The following CTDSPL2 variants were observed in gnomAD, a reference collection of about 807,000 sequenced individuals.
The protein encoded by CTDSPL2 is CTD small phosphatase like 2.
Under a neutral mutation model 60.0 loss-of-function variants are expected in CTDSPL2, and 5 were observed. The ratio of observed to expected loss-of-function variants is 0.08; its 90% CI spans 0.04 to 0.18. The LOEUF (loss-of-function observed/expected upper bound fraction) is 0.18. Among genes scored for constraint, CTDSPL2 ranks in the 10% least tolerant of loss-of-function variants. CTDSPL2 has a pLI of 1.00. For missense variants in CTDSPL2, 370 were observed against 548.8 expected, an observed-to-expected ratio of 0.67 and a Z score of 3.26; for synonymous variants, 186 against 189.3, an observed-to-expected ratio of 0.98 and a Z score of 0.14.
chr15:44,490,045 G>A (rs2081189990), intron 4 of CTDSPL2, among the ~76,000 whole-genome samples: 1 of 152,200 alleles, frequency 6.6e-6, no homozygotes, highest in Non-Finnish European at 1.5e-5. Flanking sequence ...TAAGGAAGTT[G>A]AGAATATTGG....
chr15:44,431,983 C>T (rs866894939), intron 1 of CTDSPL2, among the ~76,000 whole-genome samples: 1 of 151,876 alleles, frequency 6.6e-6, no homozygotes, highest in South Asian at 2.1e-4. Flanking sequence ...CTCAGCCTCC[C>T]AAAGTGCTGG....
chr15:44,477,066 CTT>C (rs781644888), intron 2 of CTDSPL2, among the ~76,000 whole-genome samples: 1 of 152,166 alleles, frequency 6.6e-6, no homozygotes, highest in Non-Finnish European at 1.5e-5. Context: ...TTTTCAAAAA[CTT>C]TTAAAAACGA....
intron 1 of CTDSPL2, chr15:44,448,764 TC>T (rs1286624180): frequency 5.7e-6 from 2 of 352,500 alleles, no homozygotes; most frequent in Admixed American, 7.6e-5. Flanking sequence ...CTAACCCTGT[TC>T]CAATACCACC....
At chr15:44,468,681 C>T (rs748339520) in intron 2 of CTDSPL2, among the ~76,000 whole-genome samples, 2 of 152,158 alleles carry the variant, frequency 1.3e-5, no homozygotes, top group Non-Finnish European at 2.9e-5. Context: ...CCACTGTAGA[C>T]GGCTACATAA....
intron 2 of CTDSPL2, among the ~76,000 whole-genome samples, chr15:44,472,565 C>G (rs975751739): frequency 3.5e-5 from 5 of 141,746 alleles, no homozygotes; most frequent in African/African-American, 1.3e-4. Flanking sequence ...TTGGCATGAT[C>G]TCGGTTCATT....
Position 44,528,994 on chromosome 15 carries a change from C to T in CTDSPL2, c.*4820C>T, listed in dbSNP as rs958579026. On this transcript the variant is annotated 3_prime_UTR_variant, in exon 13 of 13. Coordinates refer to ENST00000260327, the MANE Select transcript of CTDSPL2 (RefSeq NM_016396.3). ...ATCTTCAAATGCCCTGATCACCCTA[C>T]CTCACAGGGTTGTTGTGGGGATAAA... is the stretch of plus-strand genomic sequence containing the variant. 1 of 152,162 alleles carries T rather than the reference C, an allele frequency of 6.6e-6. No individual in the cohort carries two copies. The highest frequency in any genetic ancestry group is 2.4e-5 in the African/African-American group (1 of 41,448). The allele number at this position is 152,162 out of a possible 1,614,324, so 9.4% of individuals were successfully genotyped here.
At chr15:44,462,533 C>T (rs1317137762) in intron 2 of CTDSPL2, among the ~76,000 whole-genome samples, 2 of 151,750 alleles carry the variant, frequency 1.3e-5, no homozygotes, top group Non-Finnish European at 2.9e-5. Flanking sequence ...AGTTCGTGCT[C>T]CTATGAGAAT....
chr15:44,445,627 C>G (rs999538192), intron 1 of CTDSPL2, among the ~76,000 whole-genome samples: 1 of 151,802 alleles, frequency 6.6e-6, no homozygotes, highest in Non-Finnish European at 1.5e-5. Flanking sequence ...AATTTGAAAA[C>G]ACAGCTTTTT....
At chr15:44,438,724 G>T (rs1308662023) in intron 1 of CTDSPL2, among the ~76,000 whole-genome samples, 2 of 152,142 alleles carry the variant, frequency 1.3e-5, no homozygotes, top group Non-Finnish European at 2.9e-5. Context: ...GTGGTTGAGT[G>T]TGAGTCTGAA....
intron 8 of CTDSPL2, among the ~76,000 whole-genome samples, chr15:44,514,348 A>AGT (rs1235126037): frequency 6.6e-6 from 1 of 152,200 alleles, no homozygotes; most frequent in Non-Finnish European, 1.5e-5. Context: ...ATACCAGTGA[A>AGT]GTACTGTATG....
chr15:44,489,051 T>C (rs1264944832), intron 4 of CTDSPL2, among the ~76,000 whole-genome samples: 1 of 151,984 alleles, frequency 6.6e-6, no homozygotes. Flanking sequence ...TACATTGATA[T>C]TTTCTTTGTG....
intron 2 of CTDSPL2, among the ~76,000 whole-genome samples, chr15:44,461,527 T>C (rs2080569352): frequency 6.6e-6 from 1 of 150,644 alleles, no homozygotes; most frequent in Non-Finnish European, 1.5e-5. Context: ...TAGCTAGGAC[T>C]ACAGGCATGT....
intron 5 of CTDSPL2, among the ~76,000 whole-genome samples, chr15:44,495,499 A>G (rs2081283652): frequency 6.6e-6 from 1 of 151,450 alleles, no homozygotes; most frequent in South Asian, 2.1e-4. Context: ...CAGTGAGCCA[A>G]GATCACGCCA....
chr15:44,450,492 T>C (rs1032095949), intron 1 of CTDSPL2, among the ~76,000 whole-genome samples: 4 of 152,064 alleles, frequency 2.6e-5, no homozygotes, highest in Non-Finnish European at 5.9e-5. Flanking sequence ...TGTTAGTAAT[T>C]ATGAAACAGT....
chr15:44,444,406 G>T (rs913649872), intron 1 of CTDSPL2, among the ~76,000 whole-genome samples: 1 of 151,562 alleles, frequency 6.6e-6, no homozygotes, highest in Non-Finnish European at 1.5e-5. Context: ...GTGCAGTGGT[G>T]CAATCTCAGC....
At chr15:44,436,169 A>G (rs1442123268) in intron 1 of CTDSPL2, among the ~76,000 whole-genome samples, 2 of 152,318 alleles carry the variant, frequency 1.3e-5, no homozygotes, top group South Asian at 2.1e-4. Context: ...AAAGAGGGCA[A>G]TGACTTTAGC....
At chr15:44,505,244 C>A (rs1421267348) in intron 8 of CTDSPL2, among the ~76,000 whole-genome samples, 1 of 151,766 alleles carries the variant, frequency 6.6e-6, no homozygotes. Context: ...CCAGCCTGGG[C>A]AATGTAGTGA....
chr15:44,525,174 A>G lies in CTDSPL2; in HGVS notation c.*1000A>G. 1 of 373,456 alleles carries G rather than the reference A, an allele frequency of 2.7e-6. No homozygotes were observed. The highest frequency in any genetic ancestry group is 4.8e-6 in the Non-Finnish European group (1 of 210,022). 23.1% of individuals were successfully genotyped at this position (373,456 alleles called of 1,614,324 possible). On this transcript the variant is annotated 3_prime_UTR_variant, in exon 13 of 13. Transcript: ENST00000260327. ...GCACAGTGACTCAGTATTTTTAGTT[A>G]TTTTGCATGGGCTGGTAGTACCTCT...
chr15:44,434,433 A>G (rs2079931348), intron 1 of CTDSPL2, among the ~76,000 whole-genome samples: 1 of 152,128 alleles, frequency 6.6e-6, no homozygotes, highest in East Asian at 1.9e-4. Flanking sequence ...TTACTCTCTC[A>G]CCTAGGCTGG....
Sources: allele counts gnomAD v4.1 joint callset (sites outside exome capture counted in the v4.1 genomes callset), GRCh38; gene constraint gnomAD v4.1.1; transcripts MANE v1.5; gene names NCBI Gene and HGNC (gene_info 2026-07-23, HGNC 2026-07-21).